Variants in CHODL observed in about 807,000 individuals in gnomAD.
CHODL encodes transmembrane protein MT75.
CHODL carries 29 observed loss-of-function variants against 34.5 expected under a neutral mutation model. The ratio of observed to expected loss-of-function variants is 0.84; its 90% CI spans 0.63 to 1.15. The LOEUF (loss-of-function observed/expected upper bound fraction) is 1.15. Ranked by LOEUF, CHODL falls within the 50% of genes most tolerant of loss-of-function variation. The pLI is 0.00. For synonymous variants in CHODL, 125 were observed against 116.1 expected (o/e 1.08, Z -0.49); for missense variants, 332 against 332.5 (o/e 1.00, Z 0.01).
At chr21:18,055,542 C>T (rs1389396744) in intron 2 of CHODL, among the ~76,000 whole-genome samples, 1 of 152,018 alleles carries the variant, frequency 6.6e-6, no homozygotes, top group African/African-American at 2.4e-5. Context: ...ACTACAGCAA[C>T]CTCTCTTTGG....
intron 2 of CHODL, among the ~76,000 whole-genome samples, chr21:18,141,287 G>A (rs1170773147): frequency 1.3e-5 from 2 of 151,756 alleles, no homozygotes; most frequent in Admixed American, 1.3e-4. Context: ...TAATTTAGTA[G>A]AAGTATATAA....
At chr21:18,209,375 C>T (rs984623407) in intron 2 of CHODL, among the ~76,000 whole-genome samples, 1 of 152,158 alleles carries the variant, frequency 6.6e-6, no homozygotes, top group Non-Finnish European at 1.5e-5. Flanking sequence ...GCTCTTCAGC[C>T]AGCTTATGGT....
At chr21:18,212,946 A>C (rs1362780944) in intron 2 of CHODL, among the ~76,000 whole-genome samples, 1 of 152,130 alleles carries the variant, frequency 6.6e-6, no homozygotes, top group Non-Finnish European at 1.5e-5. Context: ...TATTTGGAGG[A>C]AGTGATGGCA....
intron 2 of CHODL, among the ~76,000 whole-genome samples, chr21:18,112,224 T>TA (rs943921619): frequency 6.6e-6 from 1 of 151,992 alleles, no homozygotes; most frequent in African/African-American, 2.4e-5. Context: ...TAAGGCTTTA[T>TA]AAAAAAGTGA....
chr21:18,003,621 A>G (rs1349610193), intron 1 of CHODL, among the ~76,000 whole-genome samples: 6 of 152,166 alleles, frequency 3.9e-5, no homozygotes, highest in Admixed American at 1.3e-4. Context: ...GCCTTGTGGA[A>G]GTGCACACAC....
chr21:18,174,252 A>G (rs1169874903), intron 2 of CHODL, among the ~76,000 whole-genome samples: 1 of 149,730 alleles, frequency 6.7e-6, no homozygotes, highest in East Asian at 2.0e-4. Flanking sequence ...TTAAAAAATA[A>G]TGTAACGCTA....
At chr21:18,121,010 C>T (rs1235280930) in intron 2 of CHODL, among the ~76,000 whole-genome samples, 1 of 152,094 alleles carries the variant, frequency 6.6e-6, no homozygotes, top group Admixed American at 6.6e-5. Context: ...AGCATTAAAA[C>T]ATTTCCAAGT....
At chr21:18,215,170 A>T (rs1433635058) in intron 2 of CHODL, among the ~76,000 whole-genome samples, 1 of 151,802 alleles carries the variant, frequency 6.6e-6, no homozygotes, top group African/African-American at 2.4e-5. Flanking sequence ...AGGAAGAGAG[A>T]ACTCAGGCTT....
chr21:18,246,907 A>T (rs1261576547), intron 1 of CHODL, among the ~76,000 whole-genome samples: 1 of 152,186 alleles, frequency 6.6e-6, no homozygotes, highest in African/African-American at 2.4e-5. Context: ...GGCATCTTGT[A>T]GGTGACATCT....
chr21:18,195,130 C>T (rs762878266), intron 2 of CHODL, among the ~76,000 whole-genome samples: 7 of 152,004 alleles, frequency 4.6e-5, no homozygotes, highest in Non-Finnish European at 1.0e-4. Flanking sequence ...TCTCCACTCA[C>T]TGCAGGCTCT....
chr21:18,245,491 A>G (rs2146780057), intron 1 of CHODL, among the ~76,000 whole-genome samples, 189 bp downstream of exon 1: 1 of 152,228 alleles, frequency 6.6e-6, no homozygotes, highest in South Asian at 2.1e-4. Context: ...ACACGCAGAA[A>G]AGTTTAAATT....
chr21:18,041,962 TA>T (rs1464144725), intron 2 of CHODL, among the ~76,000 whole-genome samples: 1 of 151,938 alleles, frequency 6.6e-6, no homozygotes, highest in African/African-American at 2.4e-5. Flanking sequence ...AAGCTGAATA[TA>T]TTTTTTTTAA....
chr21:17,967,950 C>T (rs1206258987), intron 1 of CHODL, among the ~76,000 whole-genome samples: 1 of 152,092 alleles, frequency 6.6e-6, no homozygotes, highest in Non-Finnish European at 1.5e-5. Context: ...AATCTTGGTC[C>T]CTTCAGAACC....
At chr21:18,058,469 T>C (rs991419708) in intron 2 of CHODL, among the ~76,000 whole-genome samples, 1 of 121,638 alleles carries the variant, frequency 8.2e-6, no homozygotes, top group Non-Finnish European at 2.0e-5. Context: ...AGCAGATGAA[T>C]GGATAAAGAA....
chr21:18,005,797 C>T (rs2063954712), intron 1 of CHODL, among the ~76,000 whole-genome samples: 1 of 152,096 alleles, frequency 6.6e-6, no homozygotes, highest in East Asian at 1.9e-4. Context: ...CACATGGACA[C>T]ATGGGGGGAA....
intron 1 of CHODL, among the ~76,000 whole-genome samples, chr21:17,918,525 C>A (rs2063158881): frequency 6.6e-6 from 1 of 151,632 alleles, no homozygotes; most frequent in Admixed American, 6.6e-5. Flanking sequence ...CATCAAATGT[C>A]TTGAGATTCA....
chr21:18,206,607 T>C (rs1460390306), intron 2 of CHODL, among the ~76,000 whole-genome samples: 1 of 151,876 alleles, frequency 6.6e-6, no homozygotes, highest in Non-Finnish European at 1.5e-5. Context: ...TTTAATTCAG[T>C]CACTCTCTGT....
chr21:17,983,820 G>A (rs967967136), intron 1 of CHODL, among the ~76,000 whole-genome samples: 4 of 151,850 alleles, frequency 2.6e-5, no homozygotes, highest in Non-Finnish European at 5.9e-5. Flanking sequence ...ATAGGCATAT[G>A]CCCATAATAT....
At chr21:17,966,958 T>G (rs1280756697) in intron 1 of CHODL, among the ~76,000 whole-genome samples, 2 of 151,828 alleles carry the variant, frequency 1.3e-5, no homozygotes, top group African/African-American at 4.8e-5. Context: ...CGATCTTGGC[T>G]CCCTGCAACC....
Sources: allele counts gnomAD v4.1 joint callset (sites outside exome capture counted in the v4.1 genomes callset), GRCh38; gene constraint gnomAD v4.1.1; transcripts MANE v1.5; gene names NCBI Gene and HGNC (gene_info 2026-07-23, HGNC 2026-07-21).